The following CDH2 variants were observed in gnomAD, a reference collection of about 807,000 sequenced individuals.
The protein encoded by CDH2 is cadherin-2.
A neutral mutation model predicts 92.0 loss-of-function variants in CDH2; 17 were observed. The observed-to-expected ratio is 0.18, with a 90% CI of 0.13 to 0.28. The LOEUF (loss-of-function observed/expected upper bound fraction) is 0.28, where lower values mean the gene tolerates loss of function less well. Ranked by LOEUF, CDH2 falls within the 10% of genes least tolerant of loss-of-function variation. The pLI is 1.00. For missense variants in CDH2, 862 were observed against 1,133.1 expected, an observed-to-expected ratio of 0.76 and a Z score of 3.44; for synonymous variants, 419 against 415.9, an observed-to-expected ratio of 1.01 and a Z score of -0.09.
intron 1 of CDH2, among the ~76,000 whole-genome samples, chr18:28,159,550 T>C (rs1416814489): frequency 2.0e-5 from 3 of 152,124 alleles, no homozygotes. Flanking sequence ...TCTGGGGATC[T>C]TGAGAAATAA....
At chr18:28,091,771 T>A (rs1222946402) in intron 2 of CDH2, among the ~76,000 whole-genome samples, 1 of 152,186 alleles carries the variant, frequency 6.6e-6, no homozygotes, top group African/African-American at 2.4e-5. Flanking sequence ...TATCTTTTCA[T>A]TTGATTAACT....
intron 2 of CDH2, among the ~76,000 whole-genome samples, chr18:28,080,072 A>G (rs957972461): frequency 1.1e-4 from 17 of 152,214 alleles, no homozygotes; most frequent in African/African-American, 4.1e-4. Context: ...AAGAAGACAC[A>G]GTGCTGATAT....
chr18:27,985,891 T>C, intron 11 of CDH2, 130 bp from the exon 12 acceptor site: 1 of 616,038 alleles, frequency 1.6e-6, no homozygotes, highest in Non-Finnish European at 2.8e-6. Context: ...ACATAGTTGC[T>C]ATGGCATCTG....
chr18:28,027,624 C>A (rs752827308), intron 2 of CDH2, among the ~76,000 whole-genome samples: 10 of 152,064 alleles, frequency 6.6e-5, no homozygotes, highest in Non-Finnish European at 1.0e-4. Flanking sequence ...TAATGCTATG[C>A]ATACAATTTT....
At chr18:28,010,237 A>C (rs1372333440) in intron 4 of CDH2, among the ~76,000 whole-genome samples, 1 of 152,172 alleles carries the variant, frequency 6.6e-6, no homozygotes, top group East Asian at 1.9e-4. Context: ...TAAAATAAAC[A>C]TTATTTACCT....
chr18:28,153,663 C>A (rs1482427698), intron 1 of CDH2, among the ~76,000 whole-genome samples: 1 of 152,160 alleles, frequency 6.6e-6, no homozygotes, highest in Non-Finnish European at 1.5e-5. Flanking sequence ...ATACTATCTG[C>A]CAGACCTCTG....
At chr18:28,140,746 G>C (rs2015938554) in intron 2 of CDH2, among the ~76,000 whole-genome samples, 1 of 150,964 alleles carries the variant, frequency 6.6e-6, no homozygotes, top group Admixed American at 6.6e-5. Context: ...AATCACCTGT[G>C]AAATGGGAGA....
intron 8 of CDH2, 137 bp from the exon 9 acceptor site, chr18:27,992,977 A>C (rs2012470909): frequency 1.9e-6 from 1 of 538,876 alleles, no homozygotes; most frequent in Non-Finnish European, 3.2e-6. Flanking sequence ...CTGATAATGC[A>C]GGTAATCACA....
chr18:27,933,566 A>G (rs1474851257), intron 6 of CDH2, among the ~76,000 whole-genome samples: 1 of 152,166 alleles, frequency 6.6e-6, no homozygotes, highest in Non-Finnish European at 1.5e-5. Flanking sequence ...GGTTGGAAAA[A>G]AAGAAAGAGA....
chr18:28,088,762 G>C (rs947361321), intron 2 of CDH2, among the ~76,000 whole-genome samples: 2 of 152,108 alleles, frequency 1.3e-5, no homozygotes, highest in Non-Finnish European at 2.9e-5. Context: ...GTCAAGTGTT[G>C]CTAAACTGGG....
At chr18:28,011,374 A>G (rs2013094124) in intron 4 of CDH2, among the ~76,000 whole-genome samples, 1 of 151,970 alleles carries the variant, frequency 6.6e-6, no homozygotes, top group South Asian at 2.1e-4. Context: ...TAATGGTATC[A>G]GAGGTCATTC....
intron 2 of CDH2, among the ~76,000 whole-genome samples, chr18:28,072,097 C>T (rs1432158642): frequency 6.6e-6 from 1 of 152,054 alleles, no homozygotes; most frequent in Non-Finnish European, 1.5e-5. Context: ...CCTTGAAACT[C>T]CCTCTCCCCA....
intron 2 of CDH2, among the ~76,000 whole-genome samples, chr18:28,072,274 T>C (rs940547410): frequency 5.3e-5 from 8 of 152,122 alleles, no homozygotes; most frequent in Non-Finnish European, 8.8e-5. Context: ...CCTAATCACC[T>C]ACCTGTCCAC....
At chr18:27,947,250 G>GTC (rs1378078213), downstream of CDH2, among the ~76,000 whole-genome samples, 1 of 151,628 alleles carries the variant, frequency 6.6e-6, no homozygotes, top group Admixed American at 6.6e-5. Context: ...GAGCAGTAAA[G>GTC]TATCACTAGA....
chr18:28,100,547 G>T (rs915344732), intron 2 of CDH2, among the ~76,000 whole-genome samples: 12 of 152,146 alleles, frequency 7.9e-5, no homozygotes, highest in African/African-American at 2.7e-4. Flanking sequence ...AAATCCTATG[G>T]CTCGGTTTCT....
chr18:28,030,280 G>T (rs1364699540), intron 2 of CDH2, among the ~76,000 whole-genome samples: 2 of 151,786 alleles, frequency 1.3e-5, no homozygotes, highest in Non-Finnish European at 2.9e-5. Context: ...AAAAAAACAC[G>T]CACCTAAACA....
intron 1 of CDH2, among the ~76,000 whole-genome samples, chr18:28,150,641 T>C (rs1158068622): frequency 6.6e-6 from 1 of 152,180 alleles, no homozygotes; most frequent in Non-Finnish European, 1.5e-5. Context: ...ACCAGCCAGG[T>C]TGGCCATGAG....
chr18:28,034,810 T>C (rs1015803776), intron 2 of CDH2, among the ~76,000 whole-genome samples: 1 of 152,072 alleles, frequency 6.6e-6, no homozygotes, highest in Non-Finnish European at 1.5e-5. Flanking sequence ...GGTGTTACAA[T>C]GAGTATAAAT....
At chr18:28,104,645 G>C (rs1399046825) in intron 2 of CDH2, among the ~76,000 whole-genome samples, 1 of 150,800 alleles carries the variant, frequency 6.6e-6, no homozygotes, top group East Asian at 2.0e-4. Flanking sequence ...TAATTCAATA[G>C]ACAAAAAAAC....
Sources: allele counts gnomAD v4.1 joint callset (sites outside exome capture counted in the v4.1 genomes callset), GRCh38; gene constraint gnomAD v4.1.1; transcripts MANE v1.5; gene names NCBI Gene and HGNC (gene_info 2026-07-23, HGNC 2026-07-21).